Variants in ZNF273 observed in about 807,000 individuals in gnomAD.
The protein encoded by ZNF273 is zinc finger protein 9.
Under a neutral mutation model 14.9 loss-of-function variants are expected in ZNF273, and 11 were observed. The ratio of observed to expected loss-of-function variants is 0.74; its 90% CI spans 0.46 to 1.22. The LOEUF (loss-of-function observed/expected upper bound fraction) is 1.22, where lower values mean the gene tolerates loss of function less well. Ranked by LOEUF, ZNF273 falls within the 50% of genes most tolerant of loss-of-function variation. The probability of loss-of-function intolerance (pLI) is 0.00; values close to 1 mark genes in which losing one functional copy is unlikely to be tolerated. For missense variants in ZNF273, 577 were observed against 660.6 expected (o/e 0.87, Z 1.39); for synonymous variants, 199 against 223.9 (o/e 0.89, Z 0.99).
chr7:64,934,781 T>TA (rs2129111396), downstream of ZNF273, among the ~76,000 whole-genome samples: 1 of 152,262 alleles, frequency 6.6e-6, no homozygotes, highest in South Asian at 2.1e-4. Flanking sequence ...GCTTTGGCTA[T>TA]ACAGGATCTT....
At chr7:64,933,421 T>A (rs1795031711), downstream of ZNF273, 1 of 152,212 alleles carries the variant, frequency 6.6e-6, no homozygotes, top group Admixed American at 6.5e-5. Context: ...CGTTTTCTAT[T>A]TTTTTGCATG....
chr7:64,888,211 G>A, intron 1 of ZNF273: 2 of 819,892 alleles, frequency 2.4e-6, no homozygotes, highest in Non-Finnish European at 1.5e-6. Flanking sequence ...AAGCCTGGCT[G>A]CTGCTGCTGC....
downstream of ZNF273, chr7:64,879,815 TCA>T (rs1205955975): frequency 6.6e-6 from 1 of 152,256 alleles, no homozygotes; most frequent in Non-Finnish European, 1.5e-5. Flanking sequence ...ATGGCCCAAC[TCA>T]CAGTCTCAAA....
At chr7:64,879,734 A>G (rs1583946284), downstream of ZNF273, 1 of 152,062 alleles carries the variant, frequency 6.6e-6, no homozygotes, top group South Asian at 2.1e-4. Context: ...ACAAGACTGT[A>G]TCTCCAGCCC....
In ZNF273 at chr7:64,928,462, A is replaced by G. The variant is rs140018894; in HGVS notation, c.1134A>G (p.Glu378=). 1,185 of 1,613,854 alleles carry G rather than the reference A, an allele frequency of 7.3e-4. 13 individuals are homozygous for G. The East Asian group carries it at 0.018, about 24-fold the overall frequency. Reference sequence around the variant, plus strand: ...GAGAGAAACCCTACAAATGTGAAGAATGTGGCAAAGCTTTTAACCAGTCCT... The same window carrying G: ...GAGAGAAACCCTACAAATGTGAAGAGTGTGGCAAAGCTTTTAACCAGTCCT... The part of the protein sequence containing the change: ...HTGEKPYKCE[E]CGKAFNQSST... The change falls in exon 4 of 4, where the codon GAA becomes GAG. Residue 378 remains glutamate, a synonymous_variant. Transcript: ENST00000476120.
intron 3 of ZNF273, among the ~76,000 whole-genome samples, chr7:64,921,946 A>G (rs1258369112): frequency 1.3e-5 from 2 of 151,952 alleles, no homozygotes; most frequent in Admixed American, 1.3e-4. Flanking sequence ...CTTAAAGCAT[A>G]CTGTGTCAGA....
downstream of ZNF273, chr7:64,889,788 C>T (rs1217571066): frequency 2.0e-6 from 2 of 984,036 alleles, no homozygotes; most frequent in Non-Finnish European, 2.4e-6. The surrounding 1 kb of genome is among the most constrained non-coding windows in gnomAD (Gnocchi z 4.2). Flanking sequence ...CAAGCCCCTG[C>T]ACTTGCATTT....
chr7:64,932,002 G>A (rs907786911), downstream of ZNF273, among the ~76,000 whole-genome samples: 3 of 151,886 alleles, frequency 2.0e-5, no homozygotes. Context: ...TTCTTTTTCT[G>A]TGTTATGGCT....
At chr7:64,916,899 C>A in intron 1 of ZNF273, 1 of 772,536 alleles carries the variant, frequency 1.3e-6, no homozygotes, top group Non-Finnish European at 1.7e-6. Flanking sequence ...TTTTTCTCTT[C>A]TTTATTAAGT....
At chr7:64,889,788 C>A (rs1217571066), downstream of ZNF273, 19 of 984,154 alleles carry the variant, frequency 1.9e-5, no homozygotes, top group South Asian at 4.7e-5. This position sits in a 1 kb window ranked among gnomAD's most constrained non-coding sequence, Gnocchi z 4.2. Flanking sequence ...CAAGCCCCTG[C>A]ACTTGCATTT....
intron 1 of ZNF273, among the ~76,000 whole-genome samples, chr7:64,910,215 T>G (rs1312920950): frequency 2.0e-5 from 3 of 152,198 alleles, no homozygotes; most frequent in Admixed American, 1.3e-4. Context: ...TTGTTGCAAT[T>G]GCTTTTGGTA....
chr7:64,900,298 G>T (rs1011428314), upstream of ZNF273, among the ~76,000 whole-genome samples: 1 of 151,938 alleles, frequency 6.6e-6, no homozygotes, highest in Non-Finnish European at 1.5e-5. Flanking sequence ...GGCAATTTTT[G>T]TACTTTTAGT....
At chr7:64,887,410 T>C (rs999585509) in intron 1 of ZNF273, among the ~76,000 whole-genome samples, 2 of 152,248 alleles carry the variant, frequency 1.3e-5, no homozygotes, top group Non-Finnish European at 2.9e-5. Context: ...GGGCACATGC[T>C]AACCTGTCTT....
At chr7:64,898,566 T>C (rs1792499111), upstream of ZNF273, among the ~76,000 whole-genome samples, 1 of 152,242 alleles carries the variant, frequency 6.6e-6, no homozygotes, top group Non-Finnish European at 1.5e-5. Context: ...TTTTCATAAA[T>C]CCATATTGAG....
chr7:64,929,100 T>C lies in ZNF273; in HGVS notation c.*62T>C. On this transcript the variant is annotated 3_prime_UTR_variant, in exon 4 of 4. Transcript: ENST00000476120. ...TCACACTTGATTGTATATAAGATAA[T>C]TCATACTGGAGAAAACTCCCAGAAG... 1 of 382,790 alleles carries C rather than the reference T, an allele frequency of 2.6e-6. No homozygotes were observed. Among genetic ancestry groups the C allele is most frequent in the Non-Finnish European group, 3.7e-6 (1 of 266,850 alleles). 23.7% of individuals were successfully genotyped at this position (382,790 alleles called of 1,614,324 possible). A position where few individuals can be genotyped will look rare whatever the true frequency, so the allele number is the denominator to read the frequency against.
downstream of ZNF273, chr7:64,933,719 CATT>C (rs980707887): frequency 4.6e-4 from 70 of 152,216 alleles, no homozygotes; most frequent in African/African-American, 1.2e-3. Flanking sequence ...GTATTTGAAA[CATT>C]ATTATCTTTC....
intron 1 of ZNF273, among the ~76,000 whole-genome samples, chr7:64,906,739 A>T (rs1301490816): frequency 6.6e-6 from 1 of 152,168 alleles, no homozygotes. Context: ...GATGCAGTTA[A>T]AGTTAAGATG....
At chr7:64,916,420 C>CT in intron 1 of ZNF273, among the ~76,000 whole-genome samples, 1 of 150,304 alleles carries the variant, frequency 6.7e-6, no homozygotes, top group East Asian at 2.0e-4. Context: ...CGGCAGGCGC[C>CT]TGTAATCCCA....
intron 3 of ZNF273, among the ~76,000 whole-genome samples, chr7:64,919,920 T>A (rs914905054): frequency 7.2e-5 from 11 of 151,922 alleles, no homozygotes; most frequent in Non-Finnish European, 1.3e-4. Flanking sequence ...TTTTTTTTTT[T>A]AAACTAATTC....
Sources: allele counts gnomAD v4.1 joint callset (sites outside exome capture counted in the v4.1 genomes callset), GRCh38; gene constraint gnomAD v4.1.1; non-coding constraint Gnocchi (gnomAD v3.1); transcripts MANE v1.5; gene names NCBI Gene and HGNC (gene_info 2026-07-23, HGNC 2026-07-21).